The following ABCA1 variants were observed in gnomAD, a reference collection of about 807,000 sequenced individuals.
ABCA1 encodes the protein phospholipid-transporting ATPase ABCA1.
In ABCA1, 133 loss-of-function variants were observed where a neutral mutation model predicts 262.5. The ratio of observed to expected loss-of-function variants is 0.51; its 90% CI spans 0.44 to 0.59. The LOEUF (loss-of-function observed/expected upper bound fraction) is 0.59. Among genes scored for constraint, ABCA1 ranks in the 20% least tolerant of loss-of-function variants. The probability of loss-of-function intolerance (pLI) is 0.00; values close to 1 mark genes in which losing one functional copy is unlikely to be tolerated. For synonymous variants in ABCA1, 1,022 were observed against 1,043.5 expected (o/e 0.98, Z 0.40); for missense variants, 2,452 against 2,777.5 (o/e 0.88, Z 2.63).
Position 104,818,864 on chromosome 9 carries a change from A to T in ABCA1, c.3261T>A (p.Ser1087=), listed in dbSNP as rs962013576. ...KYRQGRTIIL[S]THHMDEADVL... ...CGTCCGCTTCATCCATGTGGTGTGT[A>T]GAGAGAATAATGGTGCGGCCTGCCA... The change falls in exon 23 of 50, where the codon TCT becomes TCA. Residue 1087 remains serine, a synonymous_variant. Transcript: ENST00000374736. The T allele has an allele frequency of 1.2e-6, 2 of 1,613,554 alleles. No individual in the cohort carries two copies. The highest frequency in any genetic ancestry group is 1.3e-5 in the African/African-American group (1 of 74,908).
At chr9:104,895,871 G>C (rs1277162736) in intron 2 of ABCA1, among the ~76,000 whole-genome samples, 1 of 152,138 alleles carries the variant, frequency 6.6e-6, no homozygotes, top group African/African-American at 2.4e-5. Flanking sequence ...TTAGGGCAGC[G>C]CAAGGGCCAT....
intron 3 of ABCA1, among the ~76,000 whole-genome samples, chr9:104,885,657 T>C (rs1839106503): frequency 6.6e-6 from 1 of 152,210 alleles, no homozygotes; most frequent in Non-Finnish European, 1.5e-5. Flanking sequence ...TATTTGGGCT[T>C]GGTCCTAGGA....
At chr9:104,913,042 A>G (rs1200049861) in intron 1 of ABCA1, among the ~76,000 whole-genome samples, 1 of 152,204 alleles carries the variant, frequency 6.6e-6, no homozygotes, top group Non-Finnish European at 1.5e-5. Context: ...TTTAGTGACC[A>G]TATCACCAAA....
At chr9:104,896,114 G>A (rs920284564) in intron 2 of ABCA1, among the ~76,000 whole-genome samples, 1 of 152,156 alleles carries the variant, frequency 6.6e-6, no homozygotes, top group Non-Finnish European at 1.5e-5. Context: ...GTAAATCTAA[G>A]AGAACTCACA....
chr9:104,795,753 G>A (rs919477309), intron 39 of ABCA1, among the ~76,000 whole-genome samples: 6 of 152,106 alleles, frequency 3.9e-5, no homozygotes, highest in Non-Finnish European at 5.9e-5. Flanking sequence ...GAATGGCGTC[G>A]CCCAGCTCTC....
intron 17 of ABCA1, among the ~76,000 whole-genome samples, chr9:104,824,916 A>G (rs912264863): frequency 1.3e-4 from 20 of 152,242 alleles, no homozygotes; most frequent in African/African-American, 4.3e-4. Context: ...TGCATATTCA[A>G]TGAAAGAAGT....
intron 39 of ABCA1, among the ~76,000 whole-genome samples, chr9:104,795,755 C>G (rs1829842317): frequency 6.6e-6 from 1 of 152,078 alleles, no homozygotes; most frequent in Non-Finnish European, 1.5e-5. Flanking sequence ...ATGGCGTCGC[C>G]CAGCTCTCAT....
At chr9:104,853,303 G>A (rs540659377) in intron 7 of ABCA1, among the ~76,000 whole-genome samples, 58 of 152,208 alleles carry the variant, frequency 3.8e-4, no homozygotes, top group Non-Finnish European at 7.3e-4. Context: ...TCACATCACT[G>A]AGGCAATGGT....
chr9:104,810,658 G>T, intron 29 of ABCA1, 142 bp downstream of exon 29: 1 of 1,299,090 alleles, frequency 7.7e-7, no homozygotes, highest in African/African-American at 1.5e-5. Context: ...TATGCATGCA[G>T]TATTAGCTTA....
intron 1 of ABCA1, among the ~76,000 whole-genome samples, chr9:104,922,274 A>G (rs1177887615): frequency 6.6e-6 from 1 of 152,196 alleles, no homozygotes; most frequent in Non-Finnish European, 1.5e-5. Context: ...GTACCTTTCT[A>G]TGCAGGCTAC....
chr9:104,795,065 C>T (rs548939149), intron 39 of ABCA1, among the ~76,000 whole-genome samples: 134 of 152,252 alleles, frequency 8.8e-4, no homozygotes, highest in African/African-American at 3.1e-3. Context: ...AGGAAATTAC[C>T]ATGTAAGTGG....
At chr9:104,845,368 T>C in intron 8 of ABCA1, 109 bp downstream of exon 8, 1 of 756,554 alleles carries the variant, frequency 1.3e-6, no homozygotes, top group Non-Finnish European at 2.4e-6. Context: ...AAAATTGATA[T>C]TACATCCCAT....
At chr9:104,881,187 T>C (rs182718699) in intron 5 of ABCA1, among the ~76,000 whole-genome samples, 1 of 152,220 alleles carries the variant, frequency 6.6e-6, no homozygotes, top group East Asian at 1.9e-4. Context: ...ATTAGTGTTG[T>C]TTTAAGGCAG....
intron 7 of ABCA1, among the ~76,000 whole-genome samples, chr9:104,850,883 A>G (rs1398553670): frequency 6.6e-6 from 1 of 152,250 alleles, no homozygotes; most frequent in Non-Finnish European, 1.5e-5. Context: ...TATACGAAGT[A>G]AAGGAAATGG....
At position 104,784,587 on chromosome 9, in the gene ABCA1, A is replaced by G. The variant is rs1828743966; in HGVS notation, c.6646-132T>C. 3 of 1,090,218 alleles carry G rather than the reference A, an allele frequency of 2.8e-6. No individual in the cohort carries two copies. The South Asian group carries it at 4.1e-5, about 15-fold the overall frequency. The allele number at this position is 1,090,218 out of a possible 1,614,324, so 67.5% of individuals were successfully genotyped here. A position where few individuals can be genotyped will look rare whatever the true frequency, so the allele number is the denominator to read the frequency against. ...AGAATTACATAAATGGATTAACTAG[A>G]AAACTGTGTGTGAAGGAGGGAAGAA... On this transcript the variant is annotated intron_variant, in intron 49 of 49. Coordinates refer to ENST00000374736, the MANE Select transcript of ABCA1 (RefSeq NM_005502.4).
rs1411555573 is a variant in ABCA1 at position 104,791,972 on chromosome 9, A to G, written c.5784T>C (p.Ala1928=). The G allele has an allele frequency of 1.2e-6, 2 of 1,613,596 alleles. No homozygotes were observed. Among genetic ancestry groups the G allele is most frequent in the East Asian group, 4.5e-5 (2 of 44,858 alleles). ...TKIYRRKRKP[A]VDRICVGIPP... is the part of the protein sequence containing the mutation. ...GAATGCCCACGCAAATCCTGTCAAC[A>G]GCAGGCTTCCGCTTCCTTCTATATA... Residue 1928 remains alanine, a synonymous_variant, in exon 43 of 50, where the codon GCT becomes GCC. Transcript: ENST00000374736.
At chr9:104,904,478 G>A (rs1247805862) in intron 1 of ABCA1, among the ~76,000 whole-genome samples, 1 of 150,562 alleles carries the variant, frequency 6.6e-6, no homozygotes, top group East Asian at 2.0e-4. Flanking sequence ...TGAGGCAGGA[G>A]AATCGCTGAA....
chr9:104,830,699 A>G (rs1343806200), intron 14 of ABCA1, among the ~76,000 whole-genome samples: 1 of 152,114 alleles, frequency 6.6e-6, no homozygotes, highest in Non-Finnish European at 1.5e-5. Flanking sequence ...CAAAAAAAAA[A>G]ATAAAAATAA....
At position 104,832,662 on chromosome 9, in the gene ABCA1, AC is replaced by A. The variant is rs1446608876; in HGVS notation, c.1420del (p.Val474SerfsTer34). On this transcript the variant is annotated frameshift_variant, in exon 12 of 50. Coordinates refer to ENST00000374736, the MANE Select transcript of ABCA1 (RefSeq NM_005502.4). LOFTEE classifies it high-confidence loss of function. The part of the protein sequence containing the change: ...VAFLAKHPED[V>X]QSSNGSVYTW... Reference sequence around the variant, plus strand: ...GTACACAGAACCATTACTGGACTGGACATCCTCTGGGTGCTTGGCCAAAAAC... The same window carrying A: ...GTACACAGAACCATTACTGGACTGGAATCCTCTGGGTGCTTGGCCAAAAAC... 6.2e-7 allele frequency: 1 copy of A among 1,614,152 alleles called. No homozygotes were observed. The highest frequency in any genetic ancestry group is 2.2e-5 in the East Asian group (1 of 44,878).
Sources: gnomAD v4.1 joint callset for allele counts (sites outside exome capture counted in the v4.1 genomes callset) on GRCh38, gnomAD v4.1.1 for gene constraint, MANE v1.5 for transcripts, NCBI Gene and HGNC (gene_info 2026-07-23, HGNC 2026-07-21) for gene names.